Variants in SEC14L5 observed in about 807,000 individuals in gnomAD.
SEC14L5 encodes SEC14-like protein 5.
Under a neutral mutation model 84.6 loss-of-function variants are expected in SEC14L5, and 96 were observed. The observed-to-expected ratio is 1.13, with a 90% CI of 0.96 to 1.34. The LOEUF is 1.34. Ranked by LOEUF, SEC14L5 falls within the 40% of genes most tolerant of loss-of-function variation. SEC14L5 has a pLI of 0.00. For missense variants in SEC14L5, 1,224 were observed against 942.5 expected (o/e 1.30, Z -3.91); for synonymous variants, 546 against 383.4 (o/e 1.42, Z -4.95).
intron 8 of SEC14L5, among the ~76,000 whole-genome samples, chr16:4,998,250 G>T (rs1310215025): frequency 6.6e-6 from 1 of 151,100 alleles, no homozygotes; most frequent in Non-Finnish European, 1.5e-5. Context: ...CAAGTGATCC[G>T]CCCGCCTTGG....
At chr16:4,987,443 G>C (rs1955500848) in intron 2 of SEC14L5, 114 bp from the exon 3 acceptor site, 2 of 878,122 alleles carry the variant, frequency 2.3e-6, no homozygotes, top group South Asian at 1.8e-5. Context: ...CCTTCCAGTG[G>C]CCAGGGCTGC....
intron 14 of SEC14L5, among the ~76,000 whole-genome samples, chr16:5,010,463 A>T (rs905885326): frequency 6.6e-6 from 1 of 152,138 alleles, no homozygotes; most frequent in Non-Finnish European, 1.5e-5. Flanking sequence ...GGAGGCTGGC[A>T]TTGCAGGTGG....
intron 15 of SEC14L5, among the ~76,000 whole-genome samples, chr16:5,012,747 A>T (rs901441417): frequency 7.0e-6 from 1 of 143,686 alleles, no homozygotes; most frequent in African/African-American, 2.6e-5. Flanking sequence ...TTTACTAAAA[A>T]TACAAAAATT....
rs555211657 is a variant in SEC14L5 at position 4,961,484 on chromosome 16, A to T, written c.63+2098A>T. On this transcript the variant is annotated intron_variant, in intron 2 of 15. Transcript: ENST00000251170. The stretch of plus-strand genomic sequence containing the variant: ...GCTGAGATTACAGATGCACACCACC[A>T]TGCCCAGGTAATTTTTGTATTTTCA... Among the ~76,000 whole-genome samples, 9 of 152,094 alleles carry T rather than the reference A, an allele frequency of 5.9e-5. No homozygotes were observed. The East Asian group carries it at 1.4e-3, about 23-fold the overall frequency.
In SEC14L5 at chr16:5,000,386, C is replaced by T. The variant is rs566763735; in HGVS notation, c.971-269C>T. The stretch of plus-strand genomic sequence containing the variant: ...CTCCTGTGTTCAAGCAATCCTCCTG[C>T]CTCTGCCCCCCAAAATGCTGGGGTA... On this transcript the variant is annotated intron_variant, in intron 8 of 15. Coordinates refer to ENST00000251170, the MANE Select transcript of SEC14L5 (RefSeq NM_014692.2). Among the ~76,000 whole-genome samples, 161 of 152,374 alleles carry T rather than the reference C, an allele frequency of 1.1e-3. No homozygotes were observed. In the South Asian group the frequency reaches 0.032, roughly 30 times the overall value.
chr16:4,959,873 A>G (rs989662944), intron 2 of SEC14L5, among the ~76,000 whole-genome samples: 2 of 152,188 alleles, frequency 1.3e-5, no homozygotes, highest in Admixed American at 6.5e-5. Context: ...TAAGTTCTGT[A>G]TCTACGCAGA....
In SEC14L5 at chr16:4,995,758, C is replaced by T. The variant is rs531221060; in HGVS notation, c.668-590C>T. Among the ~76,000 whole-genome samples, 5 of 151,988 alleles carry T rather than the reference C, an allele frequency of 3.3e-5. No homozygotes were observed. In the South Asian group the frequency reaches 8.3e-4, roughly 25 times the overall value. On this transcript the variant is annotated intron_variant, in intron 6 of 15. Transcript: ENST00000251170. ...TCTCCTGACTCAGCCTCCTGAGTAG[C>T]TGGGATTACAGGTGTGTGCCACCAC...
At chr16:4,997,705 A>G (rs1454411373) in intron 8 of SEC14L5, among the ~76,000 whole-genome samples, 1 of 152,216 alleles carries the variant, frequency 6.6e-6, no homozygotes, top group Non-Finnish European at 1.5e-5. Flanking sequence ...ACAGTTCTCG[A>G]GGCCAGAAGT....
chr16:4,992,080 C>T lies in SEC14L5; in HGVS notation c.667+50C>T, dbSNP rs1955559206. 3.1e-6 allele frequency: 4 copies of T among 1,297,650 alleles called. 1 individual carries two copies. Among genetic ancestry groups the T allele is most frequent in the Non-Finnish European group, 1.0e-6 (1 of 968,918 alleles). The allele number at this position is 1,297,650 out of a possible 1,614,324, so 80.4% of individuals were successfully genotyped here. On this transcript the variant is annotated intron_variant, in intron 6 of 15. Coordinates refer to ENST00000251170, the MANE Select transcript of SEC14L5 (RefSeq NM_014692.2). ...CAGCCCTAGGAGGCTGCTGCAGGTC[C>T]TCTTGCTCCATGGGGGGCCCTGGGG...
chr16:4,965,651 A>G (rs1361644250), intron 2 of SEC14L5, among the ~76,000 whole-genome samples: 1 of 130,352 alleles, frequency 7.7e-6, no homozygotes, highest in Non-Finnish European at 1.6e-5. Context: ...AAAGAGCAAG[A>G]CTCCATCTCA....
chr16:4,963,629 A>G lies in SEC14L5; in HGVS notation c.63+4243A>G, dbSNP rs746055989. On this transcript the variant is annotated intron_variant, in intron 2 of 15. Coordinates refer to ENST00000251170, the MANE Select transcript of SEC14L5 (RefSeq NM_014692.2). ...CCAAAGTGCTGGGATTAGAGGCGCG[A>G]GCCACTGGGCCCAGGCTTTTGCTCC... Among the ~76,000 whole-genome samples, 68 of 152,166 alleles carry G rather than the reference A, an allele frequency of 4.5e-4. 1 individual carries two copies. The highest frequency in any genetic ancestry group is 3.4e-3 in the Middle Eastern group (1 of 292).
chr16:4,991,649 G>T (rs1164692597), intron 5 of SEC14L5, among the ~76,000 whole-genome samples, 189 bp from the exon 6 acceptor site: 2 of 152,142 alleles, frequency 1.3e-5, no homozygotes, highest in Non-Finnish European at 2.9e-5. Context: ...TTCGTACCAA[G>T]CCTTGGAAAT....
chr16:5,004,187 G>T (rs140691511), intron 11 of SEC14L5, among the ~76,000 whole-genome samples: 18 of 152,298 alleles, frequency 1.2e-4, no homozygotes, highest in Admixed American at 2.6e-4. Context: ...GGGGCAATAG[G>T]GACCCATGGA....
chr16:4,979,673 G>A (rs1368966060), intron 2 of SEC14L5, among the ~76,000 whole-genome samples: 1 of 152,194 alleles, frequency 6.6e-6, no homozygotes, highest in African/African-American at 2.4e-5. Flanking sequence ...GCCTGGAGAT[G>A]AGGCATTGAT....
At chr16:5,008,027 C>T (rs899274320) in intron 13 of SEC14L5, among the ~76,000 whole-genome samples, 1 of 151,734 alleles carries the variant, frequency 6.6e-6, no homozygotes, top group Non-Finnish European at 1.5e-5. Context: ...TCTGCCTCAG[C>T]CTCCCGAGTA....
At chr16:5,001,383 A>G (rs1041291650) in intron 10 of SEC14L5, among the ~76,000 whole-genome samples, 2 of 150,488 alleles carry the variant, frequency 1.3e-5, no homozygotes, top group Admixed American at 6.7e-5. Flanking sequence ...CTCAGCCTCC[A>G]GAGTAGCTGG....
intron 13 of SEC14L5, among the ~76,000 whole-genome samples, chr16:5,008,144 G>A (rs540047535): frequency 2.0e-5 from 3 of 151,898 alleles, no homozygotes; most frequent in African/African-American, 7.3e-5. Context: ...TCGAACTCCT[G>A]ACCTCAAGTG....
intron 2 of SEC14L5, among the ~76,000 whole-genome samples, chr16:4,964,430 T>C (rs1184577092): frequency 2.0e-5 from 3 of 151,934 alleles, no homozygotes; most frequent in Non-Finnish European, 4.4e-5. Context: ...TCCCTAAAAA[T>C]ACAAAATTAC....
At chr16:4,958,683 C>T (rs1568094670) in intron 1 of SEC14L5, among the ~76,000 whole-genome samples, 2 of 152,170 alleles carry the variant, frequency 1.3e-5, no homozygotes, top group Non-Finnish European at 2.9e-5. Flanking sequence ...AGGGGAATTG[C>T]GTGCGTGGAG....
Sources: allele counts gnomAD v4.1 joint callset (sites outside exome capture counted in the v4.1 genomes callset), GRCh38; gene constraint gnomAD v4.1.1; transcripts MANE v1.5; gene names NCBI Gene and HGNC (gene_info 2026-07-23, HGNC 2026-07-21).